The following ZNF273 variants were observed in gnomAD, a reference collection of about 807,000 sequenced individuals.
The protein encoded by ZNF273 is zinc finger protein 9.
Under a neutral mutation model 14.9 loss-of-function variants are expected in ZNF273, and 11 were observed. The ratio of observed to expected loss-of-function variants is 0.74; its 90% CI spans 0.46 to 1.22. The LOEUF (loss-of-function observed/expected upper bound fraction) is 1.22. Among genes scored for constraint, ZNF273 ranks in the 50% most tolerant of loss-of-function variants. The pLI is 0.00. For synonymous variants in ZNF273, 199 were observed against 223.9 expected (o/e 0.89, Z 0.99); for missense variants, 577 against 660.6 (o/e 0.87, Z 1.39).
At chr7:64,937,163 A>C in the ZNF273 span, among the ~76,000 whole-genome samples, 2 of 152,254 alleles carry the variant, frequency 1.3e-5, no homozygotes, top group African/African-American at 4.8e-5. Context: ...TGCCTAAAAT[A>C]CATTAGCTTT....
chr7:64,927,949 A>G lies in ZNF273; in HGVS notation c.621A>G (p.Lys207=), dbSNP rs1048213585. 6.2e-7 allele frequency: 1 copy of G among 1,613,800 alleles called. No homozygotes were observed. Among genetic ancestry groups the G allele is most frequent in the South Asian group, 1.1e-5 (1 of 90,974 alleles). ...GACAAACTGGAAAGAAACCTTTCAA[A>G]TGTAAAGAATGTGGCAAATCATGTT... is the stretch of plus-strand genomic sequence containing the variant. The part of the protein sequence containing the change: ...KKRQTGKKPF[K]CKECGKSCCI... The change falls in exon 4 of 4, where the codon AAA becomes AAG. Residue 207 remains lysine (K), a synonymous_variant. Coordinates refer to ENST00000476120, the MANE Select transcript of ZNF273 (RefSeq NM_021148.3).
chr7:64,927,742 A>C lies in ZNF273; in HGVS notation c.414A>C (p.Lys138Asn), dbSNP rs1794830790. 3 of 1,613,460 alleles carry C rather than the reference A, an allele frequency of 1.9e-6. No homozygotes were observed. Among genetic ancestry groups the C allele is most frequent in the Non-Finnish European group, 2.5e-6 (3 of 1,179,824 alleles). ...FQKVILRRYGKYGHENLQLRK... is the reference protein window; with the variant it reads ...FQKVILRRYGNYGHENLQLRK... The stretch of plus-strand genomic sequence containing the variant: ...AAGTGATACTGAGAAGATATGGAAA[A>C]TATGGACATGAGAATTTACAATTAA... Residue 138 changes from lysine (K) to asparagine (N), a missense_variant, in exon 4 of 4, where the codon AAA (lysine) becomes AAC (asparagine). Physicochemically the swap from Lys to Asn is moderately conservative, Grantham distance 94. Coordinates refer to ENST00000476120, the MANE Select transcript of ZNF273 (RefSeq NM_021148.3).
intron 3 of ZNF273, among the ~76,000 whole-genome samples, chr7:64,918,946 C>CT: frequency 6.6e-6 from 1 of 152,092 alleles, no homozygotes; most frequent in Non-Finnish European, 1.5e-5. Context: ...TTGAGAAACT[C>CT]TGTGTTAAAC....
upstream of ZNF273, among the ~76,000 whole-genome samples, chr7:64,899,374 G>A (rs1792545454): frequency 6.6e-6 from 1 of 152,186 alleles, no homozygotes; most frequent in African/African-American, 2.4e-5. Context: ...GAAATATTAT[G>A]CCAGGCGCAG....
chr7:64,933,617 A>G (rs1339915768), downstream of ZNF273: 1 of 152,212 alleles, frequency 6.6e-6, no homozygotes, highest in African/African-American at 2.4e-5. Flanking sequence ...GCTGTTAAAT[A>G]TCAGAGTTTC....
intron 3 of ZNF273, among the ~76,000 whole-genome samples, chr7:64,921,620 T>A (rs1562963060): frequency 2.6e-5 from 1 of 38,722 alleles, no homozygotes; most frequent in African/African-American, 1.1e-4. Flanking sequence ...TTTTTTTTTT[T>A]TTTTTTTTTT....
intron 3 of ZNF273, among the ~76,000 whole-genome samples, chr7:64,925,431 T>G (rs1326868291): frequency 6.7e-6 from 1 of 150,204 alleles, no homozygotes; most frequent in Non-Finnish European, 1.5e-5. Flanking sequence ...GCATACAAAG[T>G]TTTTTTGTTT....
At chr7:64,922,735 C>G (rs375672894) in intron 3 of ZNF273, among the ~76,000 whole-genome samples, 2 of 151,684 alleles carry the variant, frequency 1.3e-5, no homozygotes, top group Admixed American at 1.3e-4. Flanking sequence ...GATGCCGAGG[C>G]GAGTAGATTA....
chr7:64,918,659 C>CAAAA lies in ZNF273; in HGVS notation c.325+393_325+396dup, dbSNP rs1171857179. 6.1e-4 allele frequency among the ~76,000 whole-genome samples: 49 copies of CAAAA among 80,044 alleles called. 1 individual carries two copies. Among genetic ancestry groups the CAAAA allele is most frequent in the East Asian group, 1.5e-3 (4 of 2,664 alleles). The allele number at this position is 80,044 out of a possible 152,430, so 52.5% of individuals were successfully genotyped here. ...CTGGAGACAGAGTGAGACTCCATCT[C>CAAAA]AAAAAAAAAAAAAAAAAAAAAAAAA... On this transcript the variant is annotated intron_variant, in intron 3 of 3. Coordinates refer to ENST00000476120, the MANE Select transcript of ZNF273 (RefSeq NM_021148.3).
chr7:64,888,197 C>T, intron 1 of ZNF273: 4 of 735,108 alleles, frequency 5.4e-6, no homozygotes, highest in Non-Finnish European at 6.7e-6. Flanking sequence ...CACCCCATTC[C>T]CTGAAGCCTG....
At chr7:64,895,043 A>G (rs1437969704) in intron 3 of ZNF273, among the ~76,000 whole-genome samples, 3 of 152,014 alleles carry the variant, frequency 2.0e-5, no homozygotes, top group African/African-American at 7.3e-5. Flanking sequence ...AGGCTGAGGC[A>G]GGAGAATCAC....
intron 3 of ZNF273, among the ~76,000 whole-genome samples, chr7:64,896,010 T>C (rs1792341783): frequency 6.6e-6 from 1 of 151,954 alleles, no homozygotes; most frequent in South Asian, 2.1e-4. Context: ...ATTTTCTTTT[T>C]TCTTTTCTTT....
intron 3 of ZNF273, chr7:64,923,339 G>GT (rs1438157493): frequency 4.4e-6 from 2 of 454,714 alleles, no homozygotes; most frequent in East Asian, 7.0e-5. Context: ...GTGTGTGTGT[G>GT]TTTTTTTATT....
intron 1 of ZNF273, among the ~76,000 whole-genome samples, chr7:64,885,317 C>G (rs1035777213): frequency 2.0e-5 from 3 of 152,352 alleles, no homozygotes; most frequent in Middle Eastern, 3.4e-3. Flanking sequence ...GTCACTGCCT[C>G]TCCTGCAGGC....
intron 1 of ZNF273, 133 bp downstream of exon 1, chr7:64,903,552 A>G: frequency 1.1e-6 from 1 of 942,488 alleles, no homozygotes; most frequent in South Asian, 1.4e-5. Context: ...TCCTTGGCGC[A>G]GCTCGGCCCT....
At chr7:64,933,100 T>G (rs1458171622), downstream of ZNF273, among the ~76,000 whole-genome samples, 1 of 152,050 alleles carries the variant, frequency 6.6e-6, no homozygotes, top group Non-Finnish European at 1.5e-5. Context: ...GCCTCCTGAG[T>G]AGCTAGGATT....
chr7:64,892,569 A>C (rs1792102736), downstream of ZNF273, among the ~76,000 whole-genome samples: 1 of 152,174 alleles, frequency 6.6e-6, no homozygotes. Flanking sequence ...ATAAAAAACT[A>C]GGATGTGGAC....
downstream of ZNF273, among the ~76,000 whole-genome samples, chr7:64,880,479 G>A (rs947458952): frequency 6.6e-6 from 1 of 152,058 alleles, no homozygotes; most frequent in Non-Finnish European, 1.5e-5. Context: ...TGTTGGGAGT[G>A]TTGGCTGCCC....
intron 1 of ZNF273, among the ~76,000 whole-genome samples, chr7:64,913,925 T>C (rs919579108): frequency 6.6e-6 from 1 of 151,562 alleles, no homozygotes; most frequent in Admixed American, 6.6e-5. Flanking sequence ...ACTTGTGCCC[T>C]TTCCACAAGT....
Sources: gnomAD v4.1 joint callset for allele counts (sites outside exome capture counted in the v4.1 genomes callset) on GRCh38, gnomAD v4.1.1 for gene constraint, MANE v1.5 for transcripts, NCBI Gene and HGNC (gene_info 2026-07-23, HGNC 2026-07-21) for gene names.